Variants in NFX1 observed in about 807,000 individuals in gnomAD.
NFX1 encodes transcriptional repressor NF-X1.
In NFX1, 69 loss-of-function variants were observed where a neutral mutation model predicts 137.2. The observed-to-expected ratio is 0.50, with a 90% CI of 0.41 to 0.61. NFX1 has a LOEUF of 0.61. Ranked by LOEUF, NFX1 falls within the 20% of genes least tolerant of loss-of-function variation. NFX1 has a pLI of 0.00. For synonymous variants in NFX1, 495 were observed against 474.1 expected (o/e 1.04, Z -0.57); for missense variants, 1,167 against 1,391.0 (o/e 0.84, Z 2.56).
intron 1 of NFX1, among the ~76,000 whole-genome samples, chr9:33,291,461 CAG>C (rs1321506298): frequency 1.3e-5 from 2 of 152,144 alleles, no homozygotes; most frequent in African/African-American, 4.8e-5. Flanking sequence ...CTCTGGAAAA[CAG>C]GGCAGCAGTT....
chr9:33,292,692 A>C (rs968881688), intron 1 of NFX1, among the ~76,000 whole-genome samples: 4 of 152,120 alleles, frequency 2.6e-5, no homozygotes, highest in Non-Finnish European at 5.9e-5. Flanking sequence ...CTAGTTGAAC[A>C]TATCCTGTAT....
Position 33,318,736 on chromosome 9 carries a change from T to C in NFX1, c.1594T>C (p.Tyr532His), listed in dbSNP as rs776713229. The C allele has an allele frequency of 5.0e-6, 8 of 1,614,186 alleles. No individual in the cohort carries two copies. The South Asian group carries it at 8.8e-5, about 18-fold the overall frequency. ...PCQIILNQVC[Y>H]CGSTSRDVLC... ...TTTGAAATTTTCTCTTCAAGTATGC[T>C]ATTGCGGCAGCACCTCCCGAGATGT... The change falls in exon 8 of 24, where the codon TAT becomes CAT. Residue 532 changes from tyrosine (Y) to histidine (H), a missense_variant. Around this residue, in one of 3 missense-constraint regions of NFX1, gnomAD observed 488 missense variants for 691.5 expected, o/e 0.71. Transcript: ENST00000379540.
chr9:33,344,301 T>C, intron 14 of NFX1, 113 bp downstream of exon 14: 1 of 1,458,070 alleles, frequency 6.9e-7, no homozygotes, highest in Non-Finnish European at 9.4e-7. Flanking sequence ...TGCCCCTTGC[T>C]CCCGGCTCAG....
At chr9:33,305,437 G>A (rs1821717446) in intron 4 of NFX1, among the ~76,000 whole-genome samples, 1 of 152,216 alleles carries the variant, frequency 6.6e-6, no homozygotes, top group Non-Finnish European at 1.5e-5. Flanking sequence ...ATCTATGATG[G>A]TAGGGGAGTG....
At chr9:33,354,799 G>T in intron 18 of NFX1, 52 bp from the exon 19 acceptor site, 1 of 1,532,668 alleles carries the variant, frequency 6.5e-7, no homozygotes, top group Non-Finnish European at 8.9e-7. Flanking sequence ...TGCTGGATGG[G>T]AGCTGTACAG....
chr9:33,351,879 G>A (rs1823651255), intron 16 of NFX1, 89 bp downstream of exon 16: 3 of 1,124,728 alleles, frequency 2.7e-6, no homozygotes, highest in South Asian at 3.3e-5. Context: ...CCCTGGGCAT[G>A]CATCTTAATT....
At chr9:33,357,238 C>T (rs1382664993) in intron 19 of NFX1, among the ~76,000 whole-genome samples, 1 of 151,940 alleles carries the variant, frequency 6.6e-6, no homozygotes, top group Non-Finnish European at 1.5e-5. Context: ...GGAGGCGGAG[C>T]TTGCAGTGAG....
rs962699840 is a variant in NFX1, at chr9:33,367,418, G to A, written c.3186-97G>A. ...TTCATACCAGAGAGTGCTCAGTAGT[G>A]TCATAGTGCCAAAATCAAGGGCTGA... On this transcript the variant is annotated intron_variant, in intron 22 of 23. Transcript: ENST00000379540. 3 of 1,227,898 alleles carry A rather than the reference G, an allele frequency of 2.4e-6. No individual in the cohort carries two copies. The Admixed American group carries it at 5.3e-5, about 22-fold the overall frequency. 76.1% of individuals were successfully genotyped at this position (1,227,898 alleles called of 1,614,324 possible).
intron 3 of NFX1, 119 bp downstream of exon 3, chr9:33,301,540 G>A (rs919623824): frequency 1.9e-6 from 2 of 1,059,702 alleles, no homozygotes; most frequent in Non-Finnish European, 2.7e-6. Flanking sequence ...TGCAGGGAGA[G>A]TATGTTACCT....
In NFX1 at chr9:33,294,801, G is replaced by A. The variant is rs757339907; in HGVS notation, c.407G>A (p.Ser136Asn). 4 of 1,614,092 alleles carry A rather than the reference G, an allele frequency of 2.5e-6. No individual in the cohort carries two copies. The South Asian group carries it at 3.3e-5, about 13-fold the overall frequency. Residue 136 changes from serine to asparagine, a missense_variant, in exon 2 of 24, where the codon AGC becomes AAC. By Grantham distance (46) the Ser-to-Asn change is conservative (BLOSUM62 1). This residue lies in a region of NFX1 where 367 missense variants were observed against 386.7 expected (regional missense o/e 0.95). Coordinates refer to ENST00000379540, the MANE Select transcript of NFX1 (RefSeq NM_002504.6). ...ACCTCAGATACAGCTGGATTAGAGAGCTCGACCAGATCAGAGAGTGGGACA... is the reference window on the plus strand; with the variant it reads ...ACCTCAGATACAGCTGGATTAGAGAACTCGACCAGATCAGAGAGTGGGACA... The part of the protein sequence containing the change: ...EQTSDTAGLE[S>N]STRSESGTDL...
intron 1 of NFX1, among the ~76,000 whole-genome samples, chr9:33,293,054 T>C (rs1374857788): frequency 6.6e-6 from 1 of 152,236 alleles, no homozygotes; most frequent in African/African-American, 2.4e-5. Context: ...GAGGTTACTC[T>C]ATGACCTTTA....
intron 12 of NFX1, 47 bp from the exon 13 acceptor site, chr9:33,342,699 A>T (rs112441794): frequency 7.7e-7 from 1 of 1,298,944 alleles, no homozygotes; most frequent in Non-Finnish European, 1.1e-6. Flanking sequence ...TATGGAAAAT[A>T]TAAAATGAAG....
intron 1 of NFX1, among the ~76,000 whole-genome samples, chr9:33,293,242 A>G (rs994023508): frequency 6.6e-6 from 1 of 152,210 alleles, no homozygotes; most frequent in Non-Finnish European, 1.5e-5. Flanking sequence ...TCAGGAATGT[A>G]AGGATTAAAT....
At chr9:33,369,594 G>A (rs1328968918) in intron 23 of NFX1, among the ~76,000 whole-genome samples, 1 of 152,136 alleles carries the variant, frequency 6.6e-6, no homozygotes, top group East Asian at 1.9e-4. Context: ...TGAAGGCAGA[G>A]TAAAATCATC....
At chr9:33,364,862 C>G in intron 21 of NFX1, 88 bp downstream of exon 21, 1 of 1,554,614 alleles carries the variant, frequency 6.4e-7, no homozygotes, top group Non-Finnish European at 8.7e-7. Context: ...ACACTTTCAA[C>G]CTAGAGTAGT....
chr9:33,364,432 AT>A (rs1475819504), intron 20 of NFX1, among the ~76,000 whole-genome samples: 1 of 152,178 alleles, frequency 6.6e-6, no homozygotes, highest in Non-Finnish European at 1.5e-5. Context: ...CCAGTCTCAC[AT>A]TCACATGCGT....
rs1821310411 is a variant in NFX1, at chr9:33,295,222, C to A, written c.828C>A (p.Asn276Lys). 1 of 1,614,124 alleles carries A rather than the reference C, an allele frequency of 6.2e-7. No homozygotes were observed. Among genetic ancestry groups the A allele is most frequent in the Non-Finnish European group, 8.5e-7 (1 of 1,180,018 alleles). Residue 276 changes from asparagine to lysine, a missense_variant, in exon 2 of 24, where the codon AAC (asparagine) becomes AAA (lysine). Physicochemically the swap from Asn to Lys is moderately conservative, Grantham distance 94. Around this residue, in one of 3 missense-constraint regions of NFX1, gnomAD observed 367 missense variants for 386.7 expected, o/e 0.95. Coordinates refer to ENST00000379540, the MANE Select transcript of NFX1 (RefSeq NM_002504.6). Reference sequence around the variant, plus strand: ...GACATACAAACGCAGGACACAGAAACAACATGGGCCCCATTCCAAAGGATG... The same window carrying A: ...GACATACAAACGCAGGACACAGAAAAAACATGGGCCCCATTCCAAAGGATG... The part of the protein sequence containing the change: ...GHRHTNAGHR[N>K]NMGPIPKDDL...
chr9:33,322,201 GAAAA>G (rs36109934), intron 9 of NFX1, among the ~76,000 whole-genome samples: 1 of 101,066 alleles, frequency 9.9e-6, no homozygotes, highest in African/African-American at 3.8e-5. Context: ...ACTCCATCTC[GAAAA>G]AAAAAAAAAA....
chr9:33,294,970 G>C lies in NFX1; in HGVS notation c.576G>C (p.Trp192Cys). The C allele has an allele frequency of 2.5e-6, 4 of 1,614,150 alleles. No homozygotes were observed. Among genetic ancestry groups the C allele is most frequent in the Non-Finnish European group, 3.4e-6 (4 of 1,180,026 alleles). ...PKVKGKLKCE[W>C]SNRTTPKPED... ...TCAAGGGGAAACTCAAATGTGAATG[G>C]AGTAACCGAACAACTCCAAAACCGG... The change falls in exon 2 of 24, where the codon TGG (tryptophan) becomes TGC (cysteine). Residue 192 changes from tryptophan to cysteine, a missense_variant. By Grantham distance (215) the Trp-to-Cys change is radical (BLOSUM62 -2). Transcript: ENST00000379540.
Sources: allele counts gnomAD v4.1 joint callset (sites outside exome capture counted in the v4.1 genomes callset), GRCh38; gene constraint gnomAD v4.1.1; regional missense constraint gnomAD v4.1.1; transcripts MANE v1.5; gene names NCBI Gene and HGNC (gene_info 2026-07-23, HGNC 2026-07-21).